The following TNC variants were observed in gnomAD, a reference collection of about 807,000 sequenced individuals.
The protein encoded by TNC is tenascin C, also known as tenascin.
A neutral mutation model predicts 202.4 loss-of-function variants in TNC; 109 were observed. The ratio of observed to expected loss-of-function variants is 0.54; its 90% CI spans 0.46 to 0.63. The LOEUF is 0.63. Among genes scored for constraint, TNC ranks in the 30% least tolerant of loss-of-function variants. The pLI is 0.00. For missense variants in TNC, 2,756 were observed against 2,833.3 expected (o/e 0.97, Z 0.62); for synonymous variants, 1,007 against 1,089.7 (o/e 0.92, Z 1.50).
At chr9:115,095,556 GTATATATA>G (rs1178600292) in intron 1 of TNC, among the ~76,000 whole-genome samples, 2 of 2,172 alleles carry the variant, frequency 9.2e-4, no homozygotes, top group Non-Finnish European at 2.1e-3. Context: ...GTATATATAT[GTATATATA>G]TGTATATATA....
intron 21 of TNC, chr9:115,035,654 C>T (rs1011547829): frequency 3.6e-6 from 1 of 280,086 alleles, no homozygotes; most frequent in East Asian, 7.2e-5. Context: ...AATATCAATA[C>T]TCACCCTGAC....
chr9:115,088,442 C>T lies in TNC; in HGVS notation c.458-1169G>A, dbSNP rs191042523. ...GCCTTTATCTTTTATTTCTTTCTAT[C>T]CTGAAGGCTAAGTGGAGGTCAACTT... On this transcript the variant is annotated intron_variant, in intron 2 of 27. Transcript: ENST00000350763. Among the ~76,000 whole-genome samples, 512 of 152,214 alleles carry T rather than the reference C, an allele frequency of 3.4e-3. 6 individuals are homozygous for T. Among genetic ancestry groups the T allele is most frequent in the African/African-American group, 0.012 (494 of 41,548 alleles).
At chr9:115,069,464 A>C (rs1020526669) in intron 10 of TNC, among the ~76,000 whole-genome samples, 1 of 151,230 alleles carries the variant, frequency 6.6e-6, no homozygotes, top group African/African-American at 2.4e-5. Flanking sequence ...AGGAGAATAG[A>C]GTGGAGGAGA....
intron 27 of TNC, 42 bp from the exon 28 acceptor site, chr9:115,021,309 G>A: frequency 7.0e-7 from 1 of 1,435,712 alleles, no homozygotes; most frequent in Non-Finnish European, 9.7e-7. Flanking sequence ...GAGAGAGAAG[G>A]CCTCCAGGTT....
chr9:115,039,718 C>T (rs890532530), intron 19 of TNC, among the ~76,000 whole-genome samples: 5 of 152,202 alleles, frequency 3.3e-5, no homozygotes, highest in African/African-American at 4.8e-5. Flanking sequence ...AACTGGGGAG[C>T]CCACATTGTC....
chr9:115,035,394 G>T, intron 21 of TNC, 60 bp from the exon 22 acceptor site: 2 of 1,551,670 alleles, frequency 1.3e-6, no homozygotes, highest in Non-Finnish European at 1.7e-6. Context: ...CAGAAATTCG[G>T]GCTGGGTATC....
chr9:115,076,193 T>C (rs1833837741), intron 8 of TNC, 72 bp from the exon 9 acceptor site: 4 of 1,523,092 alleles, frequency 2.6e-6, no homozygotes, highest in Non-Finnish European at 3.6e-6. Flanking sequence ...TAAAAATGGC[T>C]TTGAGTTGGT....
chr9:115,082,004 A>G (rs1013142614), intron 5 of TNC, 76 bp from the exon 6 acceptor site: 2 of 1,355,266 alleles, frequency 1.5e-6, no homozygotes, highest in Admixed American at 2.4e-5. Context: ...TTCACTCTGC[A>G]TTCATTCATT....
At chr9:115,060,621 C>T (rs976570329) in intron 13 of TNC, among the ~76,000 whole-genome samples, 1 of 152,218 alleles carries the variant, frequency 6.6e-6, no homozygotes, top group Admixed American at 6.5e-5. Context: ...ATTTCTTACT[C>T]ATGTCAGGGA....
chr9:115,032,661 T>G (rs1165799943), intron 22 of TNC, among the ~76,000 whole-genome samples: 1 of 152,212 alleles, frequency 6.6e-6, no homozygotes, highest in Non-Finnish European at 1.5e-5. Context: ...TGCAGTCAGT[T>G]TGGGGATCTC....
intron 15 of TNC, among the ~76,000 whole-genome samples, chr9:115,049,167 G>A (rs1831450390): frequency 6.6e-6 from 1 of 152,026 alleles, no homozygotes. Context: ...CCTGGATAAA[G>A]TTAGAAAACA....
In TNC at chr9:115,086,965, A is replaced by T; in HGVS notation, c.766T>A (p.Cys256Ser). 1 of 1,614,204 alleles carries T rather than the reference A, an allele frequency of 6.2e-7. No homozygotes were observed. The highest frequency in any genetic ancestry group is 8.5e-7 in the Non-Finnish European group (1 of 1,180,034). Residue 256 changes from cysteine to serine, a missense_variant, in exon 3 of 28, where the codon TGC becomes AGC. Cys to Ser is a moderately radical substitution (Grantham distance 112). Transcript: ENST00000350763. ...DCSREICPVP[C>S]SEEHGTCVDG... ...ACACATGTGCCGTGCTCCTCACTGC[A>T]GGGCACTGGGCAGATTTCACGGCTG...
chr9:115,039,330 C>A (rs1169607232), intron 19 of TNC, among the ~76,000 whole-genome samples: 1 of 152,214 alleles, frequency 6.6e-6, no homozygotes, highest in Admixed American at 6.5e-5. Flanking sequence ...TTAATAAAGA[C>A]TAGCTAAGCA....
chr9:115,085,627 T>C (rs1269184118), intron 3 of TNC, among the ~76,000 whole-genome samples: 1 of 152,224 alleles, frequency 6.6e-6, no homozygotes, highest in African/African-American at 2.4e-5. Flanking sequence ...TGTGTGTCCC[T>C]GGGACAATTA....
intron 26 of TNC, 25 bp downstream of exon 26, chr9:115,026,509 G>A: frequency 2.5e-6 from 4 of 1,610,174 alleles, no homozygotes; most frequent in Non-Finnish European, 2.5e-6. Context: ...GGCTTTGTAG[G>A]CTCTACGTGC....
intron 23 of TNC, among the ~76,000 whole-genome samples, chr9:115,030,693 C>T (rs1278948349): frequency 6.6e-6 from 1 of 152,126 alleles, no homozygotes; most frequent in Non-Finnish European, 1.5e-5. Context: ...ATAAGAGCAT[C>T]TTTAGGATAC....
At position 115,090,932 on chromosome 9, in the gene TNC, G is replaced by T; in HGVS notation, c.87C>A (p.Ile29=). ...ATEGGVLKKV[I]RHKRQSGVNA... ...TCACCCCACTCTGTCGCTTGTGCCG[G>T]ATGACTTTCTTGAGGACCCCACCTT... Residue 29 remains isoleucine (I), a synonymous_variant, in exon 2 of 28, where the codon ATC becomes ATA. Coordinates refer to ENST00000350763, the MANE Select transcript of TNC (RefSeq NM_002160.4). 6.2e-7 allele frequency: 1 copy of T among 1,614,152 alleles called. No individual in the cohort carries two copies. Among genetic ancestry groups the T allele is most frequent in the Non-Finnish European group, 8.5e-7 (1 of 1,180,036 alleles).
In TNC at chr9:115,029,281, T is replaced by C. The variant is rs760684986; in HGVS notation, c.6169+79A>G. ...TTCTTCCTCATCTCTTTCTCTCCCA[T>C]AGGTCCCTGTGGGTTAGGAAAAGTG... On this transcript the variant is annotated intron_variant, in intron 25 of 27. Coordinates refer to ENST00000350763, the MANE Select transcript of TNC (RefSeq NM_002160.4). The C allele has an allele frequency of 3.4e-5, 42 of 1,247,772 alleles. 1 individual carries two copies. The Middle Eastern group carries it at 3.9e-3, about 117-fold the overall frequency. 77.3% of individuals were successfully genotyped at this position (1,247,772 alleles called of 1,614,324 possible).
At chr9:115,115,600 C>G (rs958786493) in intron 1 of TNC, among the ~76,000 whole-genome samples, 18 of 152,122 alleles carry the variant, frequency 1.2e-4, no homozygotes, top group African/African-American at 3.4e-4. Context: ...ATTAAAATAG[C>G]CTTTGTTAAG....
Sources: allele counts gnomAD v4.1 joint callset (sites outside exome capture counted in the v4.1 genomes callset), GRCh38; gene constraint gnomAD v4.1.1; transcripts MANE v1.5; gene names NCBI Gene and HGNC (gene_info 2026-07-23, HGNC 2026-07-21).